NCAM1: variants seen among roughly 807,000 people sequenced by gnomAD.
NCAM1 encodes neural cell adhesion molecule 1.
Under a neutral mutation model 109.8 loss-of-function variants are expected in NCAM1, and 14 were observed. The observed-to-expected ratio is 0.13, with a 90% CI of 0.08 to 0.20. NCAM1 has a LOEUF of 0.20. NCAM1 is among the 10% of genes least tolerant of loss of function. The pLI, the probability that NCAM1 is intolerant of heterozygous loss-of-function variation, is 1.00. For missense variants in NCAM1, 774 were observed against 1,109.9 expected (o/e 0.70, Z 4.30); for synonymous variants, 418 against 442.9 (o/e 0.94, Z 0.70).
Position 113,275,506 on chromosome 11 carries a change from ACAC to A in NCAM1, c.*120_*122del. 8.1e-7 allele frequency: 1 copy of A among 1,230,346 alleles called. No individual in the cohort carries two copies. The highest frequency in any genetic ancestry group is 1.1e-6 in the Non-Finnish European group (1 of 894,464). 76.2% of individuals were successfully genotyped at this position (1,230,346 alleles called of 1,614,324 possible). A position where few individuals can be genotyped will look rare whatever the true frequency, so the allele number is the denominator to read the frequency against. Reference sequence around the variant, plus strand: ...CACACACAAACACACATGCACACACACACATCTCATTTCTCTAGTGTCTTTTGC... The same window carrying A: ...CACACACAAACACACATGCACACACAATCTCATTTCTCTAGTGTCTTTTGC... On this transcript the variant is annotated 3_prime_UTR_variant, in exon 20 of 20. Transcript: ENST00000316851.
At chr11:113,048,284 G>C (rs189421722) in intron 1 of NCAM1, among the ~76,000 whole-genome samples, 3 of 152,294 alleles carry the variant, frequency 2.0e-5, no homozygotes, top group Non-Finnish European at 4.4e-5. Flanking sequence ...TTAAAACAAT[G>C]TTAAAACAAT....
intron 1 of NCAM1, among the ~76,000 whole-genome samples, chr11:113,045,139 C>G (rs140557198): frequency 6.6e-6 from 1 of 152,134 alleles, no homozygotes; most frequent in Non-Finnish European, 1.5e-5. Flanking sequence ...TAAACACATA[C>G]GAAATAAAGA....
chr11:113,130,266 T>C (rs1555098105), intron 1 of NCAM1, among the ~76,000 whole-genome samples: 1 of 152,274 alleles, frequency 6.6e-6, no homozygotes, highest in Non-Finnish European at 1.5e-5. Context: ...AATTAATTTC[T>C]GGTTTTAGAA....
chr11:113,130,158 C>G (rs1284721797), intron 1 of NCAM1, among the ~76,000 whole-genome samples: 1 of 152,170 alleles, frequency 6.6e-6, no homozygotes, highest in Non-Finnish European at 1.5e-5. Flanking sequence ...AAATTTGAAG[C>G]CTCGTTCAGT....
At chr11:112,981,784 C>CA (rs1228156805) in intron 1 of NCAM1, among the ~76,000 whole-genome samples, 1 of 151,806 alleles carries the variant, frequency 6.6e-6, no homozygotes, top group African/African-American at 2.4e-5. Flanking sequence ...TTCTTTAAAA[C>CA]AAAATTTGTG....
chr11:113,177,786 G>A (rs1408492207), intron 1 of NCAM1, among the ~76,000 whole-genome samples: 4 of 152,122 alleles, frequency 2.6e-5, no homozygotes, highest in African/African-American at 9.7e-5. Context: ...GGCAGGGTCA[G>A]ATTTCAATAG....
intron 1 of NCAM1, among the ~76,000 whole-genome samples, chr11:113,106,742 G>GAA (rs1940188197): frequency 6.6e-6 from 1 of 152,208 alleles, no homozygotes; most frequent in African/African-American, 2.4e-5. Flanking sequence ...GTTTGTGGCA[G>GAA]GAGAAATTAT....
intron 1 of NCAM1, among the ~76,000 whole-genome samples, chr11:113,108,996 G>T (rs893108217): frequency 1.3e-5 from 2 of 150,674 alleles, no homozygotes; most frequent in South Asian, 4.2e-4. Flanking sequence ...CAAAGTGCTG[G>T]GATTACAGGC....
At chr11:113,147,086 G>T (rs1942046025) in intron 1 of NCAM1, among the ~76,000 whole-genome samples, 1 of 152,138 alleles carries the variant, frequency 6.6e-6, no homozygotes, top group Non-Finnish European at 1.5e-5. Flanking sequence ...TTGAAAATAT[G>T]CTGGCTTCTG....
intron 1 of NCAM1, among the ~76,000 whole-genome samples, chr11:113,186,200 C>T (rs1269926246): frequency 3.9e-5 from 6 of 152,190 alleles, no homozygotes; most frequent in East Asian, 3.8e-4. Flanking sequence ...CCGGGCTGCA[C>T]GGCAGGAGGT....
intron 1 of NCAM1, among the ~76,000 whole-genome samples, chr11:113,201,479 C>T (rs1944059212): frequency 6.6e-6 from 1 of 152,166 alleles, no homozygotes; most frequent in Non-Finnish European, 1.5e-5. Flanking sequence ...GAAGGAAAGG[C>T]AGAAAGAAGT....
chr11:113,023,631 G>C (rs1428251799), intron 1 of NCAM1, among the ~76,000 whole-genome samples: 2 of 152,164 alleles, frequency 1.3e-5, no homozygotes, highest in African/African-American at 4.8e-5. Context: ...AGGAATTTTA[G>C]GGTCCCGTTT....
At chr11:113,122,422 T>C (rs1164368203) in intron 1 of NCAM1, among the ~76,000 whole-genome samples, 2 of 152,206 alleles carry the variant, frequency 1.3e-5, no homozygotes, top group Non-Finnish European at 2.9e-5. Context: ...GACTGACACA[T>C]GGTGGATCCT....
intron 1 of NCAM1, among the ~76,000 whole-genome samples, chr11:113,037,276 C>T (rs1174380636): frequency 1.1e-4 from 16 of 152,184 alleles, no homozygotes; most frequent in Admixed American, 6.5e-5. Context: ...GGAAAAGTTA[C>T]AGGATTGCTC....
intron 14 of NCAM1, among the ~76,000 whole-genome samples, chr11:113,244,744 T>C (rs1226437460): frequency 6.6e-6 from 1 of 152,000 alleles, no homozygotes; most frequent in East Asian, 1.9e-4. Flanking sequence ...AAAGGAGCAA[T>C]TGCTTAGTTG....
At chr11:113,073,252 C>A (rs1378018325) in intron 1 of NCAM1, among the ~76,000 whole-genome samples, 1 of 151,558 alleles carries the variant, frequency 6.6e-6, no homozygotes, top group African/African-American at 2.4e-5. Context: ...TTATACTATT[C>A]TTTTTTTCTC....
At chr11:112,964,134 T>TG (rs1407511945) in intron 1 of NCAM1, among the ~76,000 whole-genome samples, 1 of 105,076 alleles carries the variant, frequency 9.5e-6, no homozygotes, top group Admixed American at 1.1e-4. Flanking sequence ...CTGAGGTTTT[T>TG]TTTTTGTTTT....
intron 1 of NCAM1, among the ~76,000 whole-genome samples, chr11:113,134,311 G>A (rs1462707435): frequency 6.6e-6 from 1 of 152,052 alleles, no homozygotes; most frequent in Non-Finnish European, 1.5e-5. Flanking sequence ...CATGTAACCG[G>A]ATTTTTTTTC....
chr11:113,184,385 T>C (rs1173548648), intron 1 of NCAM1, among the ~76,000 whole-genome samples: 4 of 152,208 alleles, frequency 2.6e-5, no homozygotes, highest in Admixed American at 6.5e-5. Context: ...CCTTATACCA[T>C]GGAACAGAAA....
Sources: gnomAD v4.1 joint callset for allele counts (sites outside exome capture counted in the v4.1 genomes callset) on GRCh38, gnomAD v4.1.1 for gene constraint, MANE v1.5 for transcripts, NCBI Gene and HGNC (gene_info 2026-07-23, HGNC 2026-07-21) for gene names.